The following SNTG1 variants were observed in gnomAD, a reference collection of about 807,000 sequenced individuals.
SNTG1 encodes syntrophin gamma 1.
In SNTG1, 39 loss-of-function variants were observed where a neutral mutation model predicts 74.7. That is an observed-to-expected ratio of 0.52 (90% CI 0.40 to 0.68). SNTG1 has a LOEUF of 0.68. Ranked by LOEUF, SNTG1 falls within the 30% of genes least tolerant of loss-of-function variation. SNTG1 has a pLI of 0.00. For synonymous variants in SNTG1, 254 were observed against 217.1 expected, an observed-to-expected ratio of 1.17 and a Z score of -1.49; for missense variants, 685 against 609.5, an observed-to-expected ratio of 1.12 and a Z score of -1.30.
At chr8:50,211,557 A>G (rs1399044227) in intron 2 of SNTG1, among the ~76,000 whole-genome samples, 2 of 152,128 alleles carry the variant, frequency 1.3e-5, no homozygotes, top group Non-Finnish European at 1.5e-5. Context: ...TATTAGGATC[A>G]GTATAAGAAT....
intron 1 of SNTG1, among the ~76,000 whole-genome samples, chr8:49,932,876 G>T (rs1414171006): frequency 6.6e-6 from 1 of 152,064 alleles, no homozygotes; most frequent in Non-Finnish European, 1.5e-5. Context: ...AAAATCTGTG[G>T]TCTTATGTGA....
chr8:49,986,394 C>T (rs778516472), intron 1 of SNTG1, among the ~76,000 whole-genome samples: 9 of 152,216 alleles, frequency 5.9e-5, no homozygotes, highest in Non-Finnish European at 1.2e-4. Flanking sequence ...TTCTAATTAT[C>T]GATTAAGTCA....
At chr8:50,273,928 C>A (rs1388808017) in intron 2 of SNTG1, among the ~76,000 whole-genome samples, 1 of 152,038 alleles carries the variant, frequency 6.6e-6, no homozygotes, top group African/African-American at 2.4e-5. Flanking sequence ...CTTTTTGATT[C>A]ATTTCATCAA....
intron 5 of SNTG1, among the ~76,000 whole-genome samples, chr8:50,449,209 C>T (rs2093433207): frequency 6.6e-6 from 1 of 152,224 alleles, no homozygotes; most frequent in Admixed American, 6.5e-5. Context: ...TATGTGCATT[C>T]TGATTTTGTT....
chr8:50,714,924 G>C (rs547538607), intron 17 of SNTG1, among the ~76,000 whole-genome samples: 111 of 152,088 alleles, frequency 7.3e-4, no homozygotes, highest in African/African-American at 2.7e-3. Flanking sequence ...CTTTGGTTTT[G>C]TAAAAACCAA....
chr8:50,484,825 C>G (rs1345752882), intron 8 of SNTG1, among the ~76,000 whole-genome samples: 1 of 151,132 alleles, frequency 6.6e-6, no homozygotes, highest in African/African-American at 2.4e-5. Context: ...CGCTGTCACA[C>G]TCCAACCTGG....
intron 1 of SNTG1, among the ~76,000 whole-genome samples, chr8:49,940,265 C>A (rs574901432): frequency 6.6e-6 from 1 of 152,120 alleles, no homozygotes; most frequent in African/African-American, 2.4e-5. Flanking sequence ...CAAAATGCCT[C>A]GAAAGACAGA....
chr8:50,287,213 GC>G (rs994610971), intron 2 of SNTG1, among the ~76,000 whole-genome samples: 4 of 151,900 alleles, frequency 2.6e-5, no homozygotes, highest in African/African-American at 9.7e-5. Flanking sequence ...TTTACTTACT[GC>G]CCCAACCATA....
chr8:50,394,140 C>T, intron 2 of SNTG1, 72 bp from the exon 3 acceptor site: 3 of 1,208,350 alleles, frequency 2.5e-6, no homozygotes, highest in Non-Finnish European at 3.5e-6. Context: ...TCACGATTTC[C>T]TCCACTATAT....
intron 15 of SNTG1, among the ~76,000 whole-genome samples, chr8:50,675,275 C>G (rs12545529): frequency 0.043 from 6,563 of 151,754 alleles, 171 homozygotes; most frequent in Admixed American, 0.076. Context: ...TTAAAGTCTC[C>G]TATTATTATG....
Position 50,757,481 on chromosome 8 carries a change from A to G in SNTG1, c.1395+5370A>G, listed in dbSNP as rs889785770. ...GTTGAAGTCTGTGCCACCTGGAATC[A>G]ATAAAAACTATTGCTTTCTTCAGGT... On this transcript the variant is annotated intron_variant, in intron 18 of 18. Coordinates refer to ENST00000642720, the MANE Select transcript of SNTG1 (RefSeq NM_018967.5). 5.3e-5 allele frequency among the ~76,000 whole-genome samples: 8 copies of G among 151,866 alleles called. 1 individual carries two copies. The highest frequency in any genetic ancestry group is 8.8e-5 in the Non-Finnish European group (6 of 67,864).
intron 17 of SNTG1, among the ~76,000 whole-genome samples, chr8:50,717,845 G>A (rs2095478578): frequency 6.6e-6 from 1 of 152,198 alleles, no homozygotes; most frequent in Non-Finnish European, 1.5e-5. Flanking sequence ...CTCACACACT[G>A]TGGGATAGTC....
intron 2 of SNTG1, among the ~76,000 whole-genome samples, chr8:50,176,884 C>T (rs1442188142): frequency 6.6e-6 from 1 of 152,146 alleles, no homozygotes; most frequent in African/African-American, 2.4e-5. Context: ...TGGAAGTTCT[C>T]AAGTTCTTGG....
Position 50,484,102 on chromosome 8 carries a change from C to T in SNTG1, c.364-18676C>T, listed in dbSNP as rs199943150. On this transcript the variant is annotated intron_variant, in intron 8 of 18. Coordinates refer to ENST00000642720, the MANE Select transcript of SNTG1 (RefSeq NM_018967.5). ...TCTTTTTCTTTCTCTCTTTCTTTCTCTCTTTCTTTCTTTCTTTCTTTCTTT... is the reference window on the plus strand; with the variant it reads ...TCTTTTTCTTTCTCTCTTTCTTTCTTTCTTTCTTTCTTTCTTTCTTTCTTT... Among the ~76,000 whole-genome samples, 294 of 110,782 alleles carry T rather than the reference C, an allele frequency of 2.7e-3. 1 individual carries two copies. Among genetic ancestry groups the T allele is most frequent in the Middle Eastern group, 5.0e-3 (1 of 200 alleles). 72.7% of individuals were successfully genotyped at this position (110,782 alleles called of 152,430 possible). A position where few individuals can be genotyped will look rare whatever the true frequency, so the allele number is the denominator to read the frequency against.
At chr8:50,171,034 T>A (rs2082787260) in intron 1 of SNTG1, among the ~76,000 whole-genome samples, 1 of 152,032 alleles carries the variant, frequency 6.6e-6, no homozygotes, top group Non-Finnish European at 1.5e-5. Flanking sequence ...ATTGACTGAT[T>A]TGGGAGATGA....
At chr8:50,623,259 GA>G (rs1406714763) in intron 13 of SNTG1, among the ~76,000 whole-genome samples, 1 of 152,010 alleles carries the variant, frequency 6.6e-6, no homozygotes, top group Non-Finnish European at 1.5e-5. Context: ...GATCTGAGAG[GA>G]AAAAATTTCA....
chr8:50,101,051 G>A (rs1323280269), intron 1 of SNTG1, among the ~76,000 whole-genome samples: 4 of 151,948 alleles, frequency 2.6e-5, no homozygotes, highest in East Asian at 1.9e-4. Flanking sequence ...CTGTTCCTAC[G>A]TTACTTTGCT....
intron 1 of SNTG1, among the ~76,000 whole-genome samples, chr8:50,110,625 A>T (rs2080546513): frequency 6.6e-6 from 1 of 152,210 alleles, no homozygotes; most frequent in Non-Finnish European, 1.5e-5. Flanking sequence ...ACTGCTCGAG[A>T]TGAAGCTTTT....
intron 2 of SNTG1, among the ~76,000 whole-genome samples, chr8:50,306,597 G>T (rs1169098098): frequency 6.6e-6 from 1 of 152,038 alleles, no homozygotes; most frequent in African/African-American, 2.4e-5. Flanking sequence ...ATTCTGGTAC[G>T]AGTAAGGTGG....
Sources: allele counts gnomAD v4.1 joint callset (sites outside exome capture counted in the v4.1 genomes callset), GRCh38; gene constraint gnomAD v4.1.1; transcripts MANE v1.5; gene names NCBI Gene and HGNC (gene_info 2026-07-23, HGNC 2026-07-21).